The following CSNK1A1 variants were observed in gnomAD, a reference collection of about 807,000 sequenced individuals.
CSNK1A1 encodes the protein casein kinase 1 alpha 1.
Under a neutral mutation model 46.1 loss-of-function variants are expected in CSNK1A1, and 7 were observed. That is an observed-to-expected ratio of 0.15 (90% confidence interval 0.09 to 0.29). The LOEUF is 0.29. Ranked by LOEUF, CSNK1A1 falls within the 10% of genes least tolerant of loss-of-function variation. CSNK1A1 has a pLI of 1.00. For missense variants in CSNK1A1, 96 were observed against 417.1 expected (o/e 0.23, Z 6.71); for synonymous variants, 137 against 141.5 (o/e 0.97, Z 0.23).
intron 2 of CSNK1A1, among the ~76,000 whole-genome samples, chr5:149,538,180 G>A (rs1181151923): frequency 2.6e-5 from 4 of 151,824 alleles, no homozygotes; most frequent in African/African-American, 7.3e-5. Flanking sequence ...GTGCCACCAC[G>A]CCCAGCTAAT....
Position 149,513,101 on chromosome 5 carries a change from T to C in CSNK1A1, c.565A>G (p.Ser189Gly). The C allele has an allele frequency of 6.2e-7, 1 of 1,614,152 alleles. No homozygotes were observed. The highest frequency in any genetic ancestry group is 2.2e-5 in the East Asian group (1 of 44,866). ...KNLTGTARYA[S>G]INAHLGIEQS... ...TCAATACCAAGATGTGCATTGATGC[T>C]AGCATATCGGGCAGTGCCAGTGAGG... The change falls in exon 5 of 10, where the codon AGC becomes GGC. Residue 189 changes from serine (S) to glycine (G), a missense_variant. Ser to Gly is a moderately conservative substitution (Grantham distance 56). Coordinates refer to ENST00000377843, the MANE Select transcript of CSNK1A1 (RefSeq NM_001892.6).
chr5:149,519,171 C>T (rs1163476467), intron 4 of CSNK1A1, among the ~76,000 whole-genome samples: 2 of 152,030 alleles, frequency 1.3e-5, no homozygotes, highest in South Asian at 2.1e-4. Context: ...AATTTAATTT[C>T]CTAAAACCTA....
intron 3 of CSNK1A1, among the ~76,000 whole-genome samples, chr5:149,520,747 C>T (rs1430150419): frequency 6.6e-6 from 1 of 152,178 alleles, no homozygotes; most frequent in African/African-American, 2.4e-5. Context: ...CAATCCTAGG[C>T]CTTCTAAAGT....
chr5:149,550,726 C>A lies in CSNK1A1; in HGVS notation c.123+116G>T, dbSNP rs1762631416. 4 of 1,427,768 alleles carry A rather than the reference C, an allele frequency of 2.8e-6. No homozygotes were observed. Among genetic ancestry groups the A allele is most frequent in the Non-Finnish European group, 3.8e-6 (4 of 1,048,208 alleles). The allele number at this position is 1,427,768 out of a possible 1,614,324, so 88.4% of individuals were successfully genotyped here. On this transcript the variant is annotated intron_variant, in intron 1 of 9. Coordinates refer to ENST00000377843, the MANE Select transcript of CSNK1A1 (RefSeq NM_001892.6). This position sits in a 1 kb window ranked among gnomAD's most constrained non-coding sequence, Gnocchi z 4.3. ...AAGCCAGGAAAACTAGCTCCCTGGA[C>A]TCCCTGGCGAGTGCGTGCGATGAGG... is the stretch of plus-strand genomic sequence containing the variant.
intron 6 of CSNK1A1, among the ~76,000 whole-genome samples, chr5:149,511,107 C>T (rs190019493): frequency 1.5e-3 from 228 of 152,288 alleles, no homozygotes; most frequent in East Asian, 2.9e-3. Context: ...AGGAGAATCA[C>T]TTGAGCCCAA....
intron 3 of CSNK1A1, 106 bp from the exon 4 acceptor site, chr5:149,520,494 C>A (rs1183911948): frequency 2.2e-5 from 14 of 638,052 alleles, no homozygotes; most frequent in Non-Finnish European, 3.5e-5. Context: ...ACAAAGACAG[C>A]GCTAAAGAAA....
chr5:149,546,318 T>C (rs757692698), intron 2 of CSNK1A1, among the ~76,000 whole-genome samples: 2 of 152,044 alleles, frequency 1.3e-5, no homozygotes, highest in Non-Finnish European at 2.9e-5. Flanking sequence ...CAGTCTCTGT[T>C]GTAAGATATA....
intron 9 of CSNK1A1, among the ~76,000 whole-genome samples, chr5:149,500,759 A>C (rs1760829392): frequency 6.6e-6 from 1 of 151,940 alleles, no homozygotes; most frequent in Non-Finnish European, 1.5e-5. Context: ...CACAGAATTA[A>C]GCTTGGAGAA....
Position 149,493,825 on chromosome 5 carries a change from C to CCT in CSNK1A1, c.*3026_*3027dup, listed in dbSNP as rs1338700088. The CCT allele has an allele frequency of 6.6e-6, 1 of 152,138 alleles. No homozygotes were observed. The highest frequency in any genetic ancestry group is 2.4e-5 in the African/African-American group (1 of 41,418). The allele number at this position is 152,138 out of a possible 1,614,324, so 9.4% of individuals were successfully genotyped here. A position where few individuals can be genotyped will look rare whatever the true frequency, so the allele number is the denominator to read the frequency against. ...TCTTTACTATACTTCATATAGATGT[C>CCT]CTCACATCTTGATTTACATGGTTAT... is the stretch of plus-strand genomic sequence containing the variant. On this transcript the variant is annotated 3_prime_UTR_variant, in exon 10 of 10. Transcript: ENST00000377843.
chr5:149,543,088 T>C (rs1202715575), intron 2 of CSNK1A1, among the ~76,000 whole-genome samples: 2 of 152,146 alleles, frequency 1.3e-5, no homozygotes, highest in Non-Finnish European at 2.9e-5. Flanking sequence ...TCTAATTAAA[T>C]ACAAATAGGT....
Position 149,495,744 on chromosome 5 carries a change from T to TAAAAAAAAAAAAAAAA in CSNK1A1, c.*1093_*1108dup, listed in dbSNP as rs149346325. ...TACTAGATATTGTGCCTGCAAGTCA[T>TAAAAAAAAAAAAAAAA]AAAAAAAAAAAAAAAAAAAGAAAAA... On this transcript the variant is annotated 3_prime_UTR_variant, in exon 10 of 10. Transcript: ENST00000377843. 1.1e-5 allele frequency: 1 copy of TAAAAAAAAAAAAAAAA among 92,762 alleles called. No homozygotes were observed. Among genetic ancestry groups the TAAAAAAAAAAAAAAAA allele is most frequent in the Non-Finnish European group, 2.2e-5 (1 of 45,082 alleles). The allele number at this position is 92,762 out of a possible 1,614,324, so 5.7% of individuals were successfully genotyped here. A position where few individuals can be genotyped will look rare whatever the true frequency, so the allele number is the denominator to read the frequency against.
At position 149,507,707 on chromosome 5, in the gene CSNK1A1, G is replaced by GC. The variant is rs1433469323; in HGVS notation, c.751-575dup. Among the ~76,000 whole-genome samples, 47 of 152,006 alleles carry GC rather than the reference G, an allele frequency of 3.1e-4. 3 individuals are homozygous for GC. Among genetic ancestry groups the GC allele is most frequent in the Non-Finnish European group, 5.9e-5 (4 of 67,990 alleles). On this transcript the variant is annotated intron_variant, in intron 7 of 9. Coordinates refer to ENST00000377843, the MANE Select transcript of CSNK1A1 (RefSeq NM_001892.6). The stretch of plus-strand genomic sequence containing the variant: ...TCAAATTCCCGAGCTCAAGAGATCT[G>GC]CCCCCCTTGGCCTCCTTGGTCTCCC...
In CSNK1A1 at chr5:149,505,248, T is replaced by TATAC. The variant is rs1419712882; in HGVS notation, c.1006+195_1006+198dup. On this transcript the variant is annotated intron_variant, in intron 9 of 9. Transcript: ENST00000377843. ...ACACATATATGTATATACAAATACA[T>TATAC]ATACATATATATGAACAAGGACATT... The TATAC allele has an allele frequency of 8.3e-5, 113 of 1,360,162 alleles. No individual in the cohort carries two copies. The East Asian group carries it at 3.0e-3, about 36-fold the overall frequency. 84.3% of individuals were successfully genotyped at this position (1,360,162 alleles called of 1,614,324 possible).
At chr5:149,509,323 T>C (rs987259273) in intron 7 of CSNK1A1, among the ~76,000 whole-genome samples, 1 of 152,220 alleles carries the variant, frequency 6.6e-6, no homozygotes, top group African/African-American at 2.4e-5. Flanking sequence ...CCTAATTCAA[T>C]GTTACAAGTT....
rs914914641 is a variant in CSNK1A1 at position 149,516,369 on chromosome 5, A to C, written c.457-3160T>G. On this transcript the variant is annotated intron_variant, in intron 4 of 9. Transcript: ENST00000377843. ...CCCAAAAAAAACAAAAAATAAAACC[A>C]AAAACCAAAAAAAGTAGGGGGATAA... is the stretch of plus-strand genomic sequence containing the variant. Among the ~76,000 whole-genome samples the C allele has an allele frequency of 2.6e-5, 4 of 152,182 alleles. No individual in the cohort carries two copies. In the East Asian group the frequency reaches 7.7e-4, roughly 29 times the overall value.
chr5:149,528,135 G>T lies in CSNK1A1; in HGVS notation c.231-2964C>A, dbSNP rs558104476. ...AATAGTTAGAAACTGGGAAGAATTAGATGAATTGAGAAGCACACTTAAAAC... is the reference window on the plus strand; with the variant it reads ...AATAGTTAGAAACTGGGAAGAATTATATGAATTGAGAAGCACACTTAAAAC... On this transcript the variant is annotated intron_variant, in intron 2 of 9. Coordinates refer to ENST00000377843, the MANE Select transcript of CSNK1A1 (RefSeq NM_001892.6). 1.6e-3 allele frequency among the ~76,000 whole-genome samples: 242 copies of T among 152,308 alleles called. 2 individuals are homozygous for T. The highest frequency in any genetic ancestry group is 1.8e-4 in the Non-Finnish European group (12 of 68,028).
At chr5:149,549,456 A>G (rs1304726252) in intron 2 of CSNK1A1, 4 of 702,226 alleles carry the variant, frequency 5.7e-6, no homozygotes, top group African/African-American at 5.2e-5. Flanking sequence ...TCGAACCTCC[A>G]CACCGCCTCC....
chr5:149,504,466 G>A, intron 9 of CSNK1A1: 1 of 985,406 alleles, frequency 1.0e-6, no homozygotes, highest in Non-Finnish European at 1.2e-6. Context: ...GAAACCAAGA[G>A]CCAAATCTTA....
At chr5:149,549,344 C>A in intron 2 of CSNK1A1, 1 of 629,598 alleles carries the variant, frequency 1.6e-6, no homozygotes, top group Non-Finnish European at 3.0e-6. Context: ...GTAATTAACA[C>A]TTTTAAAAGA....
Sources: gnomAD v4.1 joint callset for allele counts (sites outside exome capture counted in the v4.1 genomes callset) on GRCh38, gnomAD v4.1.1 for gene constraint, Gnocchi (gnomAD v3.1) non-coding constraint, MANE v1.5 for transcripts, NCBI Gene and HGNC (gene_info 2026-07-23, HGNC 2026-07-21) for gene names.